Variants in GABRB1 observed in about 807,000 individuals in gnomAD.
GABRB1 encodes the protein gamma-aminobutyric acid receptor subunit beta-1.
In GABRB1, 17 loss-of-function variants were observed where a neutral mutation model predicts 51.6. That is an observed-to-expected ratio of 0.33 (90% CI 0.23 to 0.49). GABRB1 has a LOEUF of 0.49. Ranked by LOEUF, GABRB1 falls within the 20% of genes least tolerant of loss-of-function variation. GABRB1 has a pLI of 0.99. For synonymous variants in GABRB1, 247 were observed against 218.9 expected (o/e 1.13, Z -1.14); for missense variants, 410 against 600.6 (o/e 0.68, Z 3.32).
chr4:47,317,373 TA>T (rs1724930216), intron 4 of GABRB1, among the ~76,000 whole-genome samples: 1 of 151,958 alleles, frequency 6.6e-6, no homozygotes, highest in Non-Finnish European at 1.5e-5. Flanking sequence ...AAGAATATGG[TA>T]AAAGAGTATA....
chr4:47,012,126 C>T (rs535184954), intron 1 of GABRB1, among the ~76,000 whole-genome samples: 1 of 152,124 alleles, frequency 6.6e-6, no homozygotes, highest in Non-Finnish European at 1.5e-5. Context: ...TATATTTTTA[C>T]ATGTGTATAC....
At chr4:47,181,978 T>A (rs1718968521) in intron 4 of GABRB1, among the ~76,000 whole-genome samples, 1 of 152,006 alleles carries the variant, frequency 6.6e-6, no homozygotes, top group Admixed American at 6.6e-5. Context: ...ATGGCCAATG[T>A]TCTAGTCTTT....
chr4:47,289,796 T>A (rs972923604), intron 4 of GABRB1, among the ~76,000 whole-genome samples: 1 of 152,260 alleles, frequency 6.6e-6, no homozygotes, highest in African/African-American at 2.4e-5. Context: ...TTCATTAATG[T>A]CTTAACCATT....
At chr4:46,997,403 T>A (rs1010400518) in intron 1 of GABRB1, among the ~76,000 whole-genome samples, 1 of 150,428 alleles carries the variant, frequency 6.6e-6, no homozygotes, top group Non-Finnish European at 1.5e-5. Context: ...ACATTAGATC[T>A]TATTATACAT....
At chr4:47,104,326 A>G (rs540371929) in intron 3 of GABRB1, among the ~76,000 whole-genome samples, 1 of 151,588 alleles carries the variant, frequency 6.6e-6, no homozygotes, top group Non-Finnish European at 1.5e-5. Context: ...TTTTGTATTT[A>G]TATTTAGTTT....
At chr4:47,006,580 T>C (rs1404803273) in intron 1 of GABRB1, among the ~76,000 whole-genome samples, 1 of 152,178 alleles carries the variant, frequency 6.6e-6, no homozygotes, top group Non-Finnish European at 1.5e-5. Flanking sequence ...GCTATAAAAA[T>C]ACTGTTTATC....
At chr4:47,344,937 G>A (rs1217942757) in intron 5 of GABRB1, among the ~76,000 whole-genome samples, 2 of 151,984 alleles carry the variant, frequency 1.3e-5, no homozygotes, top group African/African-American at 2.4e-5. Context: ...TGGCTAGGCT[G>A]GTCTCAAACT....
intron 5 of GABRB1, among the ~76,000 whole-genome samples, chr4:47,358,863 G>A (rs1358920617): frequency 6.6e-6 from 1 of 152,100 alleles, no homozygotes; most frequent in Non-Finnish European, 1.5e-5. Context: ...GAGTTTGGGT[G>A]ATATATCTAT....
At chr4:47,113,922 T>C (rs1561778) in intron 3 of GABRB1, among the ~76,000 whole-genome samples, 67,786 of 152,106 alleles carry the variant, frequency 0.45, 15,727 homozygotes, top group Middle Eastern at 0.51. Context: ...ATACCACCTA[T>C]AGTTGAGTAG....
At chr4:47,214,318 C>T (rs1180714620) in intron 4 of GABRB1, among the ~76,000 whole-genome samples, 9 of 152,202 alleles carry the variant, frequency 5.9e-5, no homozygotes, top group Admixed American at 2.6e-4. Context: ...CCTCAGCCCT[C>T]TGAACCCTCT....
At chr4:47,347,480 G>A (rs139101229) in intron 5 of GABRB1, among the ~76,000 whole-genome samples, 8 of 152,176 alleles carry the variant, frequency 5.3e-5, no homozygotes, top group Admixed American at 2.6e-4. Flanking sequence ...TCAAAGCAAC[G>A]TAGCATGAAG....
At chr4:47,155,571 A>G (rs1158254521) in intron 3 of GABRB1, among the ~76,000 whole-genome samples, 2 of 151,910 alleles carry the variant, frequency 1.3e-5, no homozygotes, top group Admixed American at 1.3e-4. Context: ...AGACGTGCAG[A>G]CTATGGGGGC....
intron 3 of GABRB1, among the ~76,000 whole-genome samples, chr4:47,051,582 T>C (rs1726351614): frequency 6.6e-6 from 1 of 152,180 alleles, no homozygotes; most frequent in Admixed American, 6.6e-5. Flanking sequence ...TTTGTTGGTA[T>C]AGTTTTTGGG....
intron 1 of GABRB1, among the ~76,000 whole-genome samples, chr4:46,997,573 C>T (rs1724040017): frequency 6.6e-6 from 1 of 151,958 alleles, no homozygotes; most frequent in Admixed American, 6.6e-5. Context: ...TTATAGATTC[C>T]ACAAATAAGT....
chr4:47,012,750 T>A (rs1325988500), intron 1 of GABRB1, among the ~76,000 whole-genome samples: 2 of 152,196 alleles, frequency 1.3e-5, no homozygotes, highest in Non-Finnish European at 2.9e-5. Flanking sequence ...GATTCCCTTT[T>A]TCTAGCCATT....
At chr4:47,387,540 C>A (rs1024405152) in intron 5 of GABRB1, among the ~76,000 whole-genome samples, 18 of 152,188 alleles carry the variant, frequency 1.2e-4, no homozygotes, top group Admixed American at 9.8e-4. Context: ...CAAACTGGCT[C>A]GATACAATTA....
intron 4 of GABRB1, among the ~76,000 whole-genome samples, chr4:47,303,130 T>A (rs1245376721): frequency 1.3e-5 from 2 of 151,932 alleles, no homozygotes; most frequent in Non-Finnish European, 2.9e-5. Context: ...AATTTCTAGT[T>A]ACTAAAACTT....
chr4:47,229,167 G>T (rs1390823796), intron 4 of GABRB1, among the ~76,000 whole-genome samples: 1 of 152,122 alleles, frequency 6.6e-6, no homozygotes, highest in Non-Finnish European at 1.5e-5. Flanking sequence ...GGAGACTTAA[G>T]TGAGCTAAAT....
At chr4:47,076,428 G>T (rs555317256) in intron 3 of GABRB1, among the ~76,000 whole-genome samples, 5 of 152,196 alleles carry the variant, frequency 3.3e-5, no homozygotes, top group African/African-American at 9.6e-5. Flanking sequence ...CCCTTTGTGA[G>T]TGATCCCTGC....
Sources: gnomAD v4.1 joint callset for allele counts (sites outside exome capture counted in the v4.1 genomes callset) on GRCh38, gnomAD v4.1.1 for gene constraint, MANE v1.5 for transcripts, NCBI Gene and HGNC (gene_info 2026-07-23, HGNC 2026-07-21) for gene names.